Variants in MTUS2 observed in about 807,000 individuals in gnomAD.
The protein encoded by MTUS2 is microtubule-associated tumor suppressor candidate 2.
Under a neutral mutation model 114.1 loss-of-function variants are expected in MTUS2, and 40 were observed. The ratio of observed to expected loss-of-function variants is 0.35; its 90% CI spans 0.27 to 0.46. The LOEUF (loss-of-function observed/expected upper bound fraction) is 0.46, where lower values mean the gene tolerates loss of function less well. Among genes scored for constraint, MTUS2 ranks in the 20% least tolerant of loss-of-function variants. The pLI, the probability that MTUS2 is intolerant of heterozygous loss-of-function variation, is 1.00. For missense variants in MTUS2, 1,679 were observed against 1,705.4 expected (o/e 0.98, Z 0.27); for synonymous variants, 688 against 672.0 (o/e 1.02, Z -0.37).
chr13:29,105,229 T>A (rs1180042547), intron 5 of MTUS2, among the ~76,000 whole-genome samples: 1 of 152,242 alleles, frequency 6.6e-6, no homozygotes, highest in East Asian at 1.9e-4. Flanking sequence ...TGTACTTCGT[T>A]ATCACATTAA....
Position 28,955,992 on chromosome 13 carries a change from T to A in MTUS2, c.-242-68465T>A, listed in dbSNP as rs1486081340. On this transcript the variant is annotated intron_variant, in intron 2 of 15. Coordinates refer to ENST00000612955, the MANE Select transcript of MTUS2 (RefSeq NM_001033602.4). Reference sequence around the variant, plus strand: ...AGTTCTTTAGTGGTGATTTGTGAGATTTTGGTGCACCCGTTACCCCAGCAG... The same window carrying A: ...AGTTCTTTAGTGGTGATTTGTGAGAATTTGGTGCACCCGTTACCCCAGCAG... Among the ~76,000 whole-genome samples the A allele has an allele frequency of 2.0e-5, 3 of 151,772 alleles. 1 individual carries two copies. The highest frequency in any genetic ancestry group is 6.8e-3 in the Middle Eastern group (2 of 294).
intron 5 of MTUS2, among the ~76,000 whole-genome samples, chr13:29,104,833 C>T (rs540415875): frequency 5.9e-5 from 9 of 152,124 alleles, no homozygotes; most frequent in Admixed American, 1.3e-4. Context: ...CTTAACATAT[C>T]GGTCTGACCC....
At chr13:29,066,613 T>C (rs1888678163) in intron 4 of MTUS2, among the ~76,000 whole-genome samples, 1 of 152,252 alleles carries the variant, frequency 6.6e-6, no homozygotes, top group Admixed American at 6.5e-5. Flanking sequence ...TGTAGTTTGC[T>C]GAATGATCGC....
At chr13:28,963,526 C>G (rs1025277463) in intron 2 of MTUS2, among the ~76,000 whole-genome samples, 3 of 152,160 alleles carry the variant, frequency 2.0e-5, no homozygotes, top group African/African-American at 7.2e-5. Context: ...TGTATATGCA[C>G]ATGCATGCCT....
At chr13:28,856,459 G>A (rs1044112015) in intron 2 of MTUS2, among the ~76,000 whole-genome samples, 4 of 152,158 alleles carry the variant, frequency 2.6e-5, no homozygotes, top group Admixed American at 6.5e-5. Context: ...GGGTGTCTCC[G>A]AGGGCCTGGC....
chr13:28,927,395 TAA>T, intron 2 of MTUS2, among the ~76,000 whole-genome samples: 1 of 150,358 alleles, frequency 6.7e-6, no homozygotes, highest in South Asian at 2.1e-4. Context: ...ACCCTGTCTC[TAA>T]AAAAAAAGAA....
intron 7 of MTUS2, among the ~76,000 whole-genome samples, chr13:29,337,212 A>G (rs1901110736): frequency 6.6e-6 from 1 of 151,418 alleles, no homozygotes. Context: ...AACTCCTGCA[A>G]CTAGCTCTGT....
intron 4 of MTUS2, among the ~76,000 whole-genome samples, chr13:29,087,004 G>T (rs1566000399): frequency 6.6e-6 from 1 of 152,134 alleles, no homozygotes; most frequent in South Asian, 2.1e-4. Context: ...GCCTTCTGAA[G>T]GAGTCTTTAG....
At chr13:29,068,977 G>A (rs933091673) in intron 4 of MTUS2, among the ~76,000 whole-genome samples, 1 of 152,100 alleles carries the variant, frequency 6.6e-6, no homozygotes, top group African/African-American at 2.4e-5. Flanking sequence ...AGTGGAGTAG[G>A]GTAGGGTAGG....
Position 29,286,672 on chromosome 13 carries a change from G to GTCTATCTATCTA in MTUS2, c.2806+4823_2806+4834dup, listed in dbSNP as rs1555261573. Among the ~76,000 whole-genome samples the GTCTATCTATCTA allele has an allele frequency of 8.9e-3, 987 of 111,018 alleles. 14 individuals are homozygous for GTCTATCTATCTA. Among genetic ancestry groups the GTCTATCTATCTA allele is most frequent in the African/African-American group, 0.025 (795 of 31,284 alleles). The allele number at this position is 111,018 out of a possible 152,430, so 72.8% of individuals were successfully genotyped here. On this transcript the variant is annotated intron_variant, in intron 6 of 15. Transcript: ENST00000612955. ...TATCTGTCTGTCTGTCTGTCTGTCTGTCTATCTATCTATCTATCTATCTAT... is the reference window on the plus strand; with the variant it reads ...TATCTGTCTGTCTGTCTGTCTGTCTGTCTATCTATCTATCTATCTATCTATCTATCTATCTAT...
intron 6 of MTUS2, among the ~76,000 whole-genome samples, chr13:29,297,259 T>C (rs1898988773): frequency 6.6e-6 from 1 of 152,202 alleles, no homozygotes; most frequent in African/African-American, 2.4e-5. Flanking sequence ...CTGTTGACAA[T>C]TGAAAGGATG....
intron 8 of MTUS2, among the ~76,000 whole-genome samples, chr13:29,364,619 C>T (rs761382668): frequency 5.1e-4 from 78 of 152,272 alleles, no homozygotes; most frequent in Non-Finnish European, 1.2e-4. Flanking sequence ...TAAAGGCTTG[C>T]TAGCTTTATC....
intron 8 of MTUS2, among the ~76,000 whole-genome samples, chr13:29,369,811 T>A (rs1465845111): frequency 6.6e-6 from 1 of 152,174 alleles, no homozygotes; most frequent in Admixed American, 6.5e-5. Flanking sequence ...GCTGACAAAA[T>A]AGATAGGAGG....
chr13:29,237,585 T>G (rs1398170392), intron 5 of MTUS2, among the ~76,000 whole-genome samples: 1 of 152,200 alleles, frequency 6.6e-6, no homozygotes, highest in Non-Finnish European at 1.5e-5. Flanking sequence ...CTATCAAGAC[T>G]CCAGACAATA....
intron 7 of MTUS2, among the ~76,000 whole-genome samples, chr13:29,340,837 A>C (rs1901357560): frequency 6.6e-6 from 1 of 152,180 alleles, no homozygotes; most frequent in Admixed American, 6.5e-5. Context: ...AGTGCATTGA[A>C]TCATTCTTAT....
chr13:29,193,531 TA>T, intron 5 of MTUS2, among the ~76,000 whole-genome samples: 1 of 152,132 alleles, frequency 6.6e-6, no homozygotes, highest in South Asian at 2.1e-4. Flanking sequence ...GAATCCAACT[TA>T]CAAGGGACGT....
chr13:28,928,685 A>C (rs905065681), intron 2 of MTUS2, among the ~76,000 whole-genome samples: 1 of 152,210 alleles, frequency 6.6e-6, no homozygotes, highest in African/African-American at 2.4e-5. Flanking sequence ...TCTTCAAAAA[A>C]CTAAAAATAG....
At chr13:29,423,717 G>A (rs1876290059) in intron 8 of MTUS2, among the ~76,000 whole-genome samples, 2 of 152,206 alleles carry the variant, frequency 1.3e-5, no homozygotes, top group Non-Finnish European at 2.9e-5. Context: ...AAATTGGCAT[G>A]TAAAAGATGA....
At chr13:28,988,854 C>G (rs1884699963) in intron 2 of MTUS2, among the ~76,000 whole-genome samples, 1 of 152,044 alleles carries the variant, frequency 6.6e-6, no homozygotes, top group Non-Finnish European at 1.5e-5. Flanking sequence ...AAATAAAGTT[C>G]TATTTCCCCC....
Sources: allele counts gnomAD v4.1 joint callset (sites outside exome capture counted in the v4.1 genomes callset), GRCh38; gene constraint gnomAD v4.1.1; transcripts MANE v1.5; gene names NCBI Gene and HGNC (gene_info 2026-07-23, HGNC 2026-07-21).